Variants in FSTL4 observed in about 807,000 individuals in gnomAD.
FSTL4 encodes follistatin like 4.
FSTL4 carries 28 observed loss-of-function variants against 78.2 expected under a neutral mutation model. The ratio of observed to expected loss-of-function variants is 0.36; its 90% confidence interval spans 0.27 to 0.49. The LOEUF (loss-of-function observed/expected upper bound fraction) is 0.49. Ranked by LOEUF, FSTL4 falls within the 20% of genes least tolerant of loss-of-function variation. FSTL4 has a pLI of 0.98. For synonymous variants in FSTL4, 422 were observed against 440.5 expected (o/e 0.96, Z 0.53); for missense variants, 922 against 1,084.9 (o/e 0.85, Z 2.11).
intron 6 of FSTL4, among the ~76,000 whole-genome samples, chr5:133,297,979 G>A (rs566590384): frequency 3.3e-5 from 5 of 152,296 alleles, no homozygotes; most frequent in Middle Eastern, 3.4e-3. Flanking sequence ...GGGGTCTCCC[G>A]AAACAGACGC....
chr5:133,802,058 G>A, the FSTL4 span, among the ~76,000 whole-genome samples: 88 of 152,246 alleles, frequency 5.8e-4, no homozygotes, highest in African/African-American at 2.1e-3. Flanking sequence ...GAACACCTGT[G>A]CCTCTCCTTC....
At chr5:133,672,102 T>C in the FSTL4 span, among the ~76,000 whole-genome samples, 1 of 152,236 alleles carries the variant, frequency 6.6e-6, no homozygotes, top group Non-Finnish European at 1.5e-5. Flanking sequence ...GAGCTGTTTG[T>C]TAATATCCTG....
At chr5:133,298,488 G>C (rs1753459814) in intron 6 of FSTL4, among the ~76,000 whole-genome samples, 1 of 152,208 alleles carries the variant, frequency 6.6e-6, no homozygotes. Context: ...TCTTTTCCCA[G>C]GGCTCAGTCC....
intron 2 of FSTL4, among the ~76,000 whole-genome samples, chr5:133,597,456 G>C (rs889379903): frequency 2.0e-5 from 3 of 152,198 alleles, no homozygotes; most frequent in Non-Finnish European, 4.4e-5. Context: ...AGGGTGGGAA[G>C]TTTCCTACAG....
the FSTL4 span, among the ~76,000 whole-genome samples, chr5:133,731,817 G>A: frequency 6.6e-6 from 1 of 152,184 alleles, no homozygotes; most frequent in Non-Finnish European, 1.5e-5. Context: ...GGTGCTGGCA[G>A]CTTTCCTTTC....
intron 4 of FSTL4, among the ~76,000 whole-genome samples, chr5:133,318,740 G>A (rs1194794082): frequency 2.6e-5 from 4 of 152,260 alleles, no homozygotes; most frequent in African/African-American, 9.6e-5. Flanking sequence ...AGGGCCACCT[G>A]AAGGTGAGGA....
At chr5:133,684,977 A>C in the FSTL4 span, among the ~76,000 whole-genome samples, 1 of 152,202 alleles carries the variant, frequency 6.6e-6, no homozygotes, top group Non-Finnish European at 1.5e-5. Context: ...GCTTCACTTT[A>C]GTCTACACCC....
At chr5:133,675,917 C>A in the FSTL4 span, among the ~76,000 whole-genome samples, 1 of 152,160 alleles carries the variant, frequency 6.6e-6, no homozygotes, top group Admixed American at 6.5e-5. Context: ...AAGGCAGAGT[C>A]AGCCTAGGAG....
At chr5:133,463,139 G>A (rs1225837800) in intron 3 of FSTL4, among the ~76,000 whole-genome samples, 1 of 152,212 alleles carries the variant, frequency 6.6e-6, no homozygotes, top group African/African-American at 2.4e-5. Flanking sequence ...TAGTGACTGT[G>A]TGTCAGGCCT....
At chr5:133,421,766 CTCATTCAT>C (rs58435074) in intron 3 of FSTL4, among the ~76,000 whole-genome samples, 8 of 152,260 alleles carry the variant, frequency 5.3e-5, no homozygotes, top group African/African-American at 1.9e-4. Flanking sequence ...ATCATGCTCA[CTCATTCAT>C]TCATTCATTC....
intron 4 of FSTL4, among the ~76,000 whole-genome samples, chr5:133,388,298 C>A (rs982580850): frequency 6.6e-5 from 10 of 152,156 alleles, no homozygotes; most frequent in African/African-American, 2.2e-4. Flanking sequence ...TGAACCCTTG[C>A]CCAGCAGAAA....
chr5:133,525,722 G>A (rs954955527), intron 3 of FSTL4, among the ~76,000 whole-genome samples: 2 of 152,200 alleles, frequency 1.3e-5, no homozygotes, highest in African/African-American at 4.8e-5. Flanking sequence ...AGAGTTCACA[G>A]AACCTGTGCA....
intron 2 of FSTL4, among the ~76,000 whole-genome samples, chr5:133,570,390 T>C (rs1760130058): frequency 6.6e-6 from 1 of 152,132 alleles, no homozygotes; most frequent in Non-Finnish European, 1.5e-5. Context: ...TGGCACGATC[T>C]CGACTCACTG....
At chr5:133,401,486 CA>C (rs1259934574) in intron 3 of FSTL4, among the ~76,000 whole-genome samples, 1 of 152,228 alleles carries the variant, frequency 6.6e-6, no homozygotes, top group Non-Finnish European at 1.5e-5. Flanking sequence ...CCCCTGCCTG[CA>C]ATACGTTTTC....
intron 13 of FSTL4, among the ~76,000 whole-genome samples, chr5:133,216,437 G>A (rs7722107): frequency 6.9e-5 from 10 of 144,462 alleles, no homozygotes; most frequent in African/African-American, 1.7e-4. Context: ...CTCCTGCCTC[G>A]GCCTCCCGTC....
At chr5:133,370,401 C>G (rs150517387) in intron 4 of FSTL4, among the ~76,000 whole-genome samples, 2,341 of 152,124 alleles carry the variant, frequency 0.015, 23 homozygotes, top group Non-Finnish European at 0.025. Flanking sequence ...ATTTAAGGAG[C>G]CTCTCCCTGT....
the FSTL4 span, among the ~76,000 whole-genome samples, chr5:133,801,462 C>G: frequency 3.5e-3 from 527 of 152,344 alleles, 5 homozygotes; most frequent in South Asian, 0.033. Flanking sequence ...GACCAGTTGG[C>G]TTTACCTCTT....
rs537068961 is a variant in FSTL4, at chr5:133,550,953, T to G, written c.160+16233A>C. Among the ~76,000 whole-genome samples the G allele has an allele frequency of 2.0e-5, 3 of 152,358 alleles. No individual in the cohort carries two copies. The East Asian group carries it at 5.8e-4, about 29-fold the overall frequency. On this transcript the variant is annotated intron_variant, in intron 3 of 15. Transcript: ENST00000265342. The stretch of plus-strand genomic sequence containing the variant: ...AGTGTGCCATATTATGTGGTCATTG[T>G]ACACTTACGATGCCTGCCCCAAGCT...
chr5:133,281,602 G>A (rs1265236436), intron 6 of FSTL4, among the ~76,000 whole-genome samples: 2 of 152,098 alleles, frequency 1.3e-5, no homozygotes, highest in Non-Finnish European at 2.9e-5. Context: ...GGGCTGAATA[G>A]CTGGAACCAG....
Sources: gnomAD v4.1 joint callset for allele counts (sites outside exome capture counted in the v4.1 genomes callset) on GRCh38, gnomAD v4.1.1 for gene constraint, MANE v1.5 for transcripts, NCBI Gene and HGNC (gene_info 2026-07-23, HGNC 2026-07-21) for gene names.